The following CAST variants were observed in gnomAD, a reference collection of about 807,000 sequenced individuals.
CAST encodes the protein MIR583 host.
In CAST, 76 loss-of-function variants were observed where a neutral mutation model predicts 119.6. The ratio of observed to expected loss-of-function variants is 0.64; its 90% CI spans 0.53 to 0.77. The LOEUF (loss-of-function observed/expected upper bound fraction) is 0.77, where lower values mean the gene tolerates loss of function less well. Ranked by LOEUF, CAST falls within the 30% of genes least tolerant of loss-of-function variation. CAST has a pLI of 0.00. For synonymous variants in CAST, 319 were observed against 331.6 expected (o/e 0.96, Z 0.41); for missense variants, 953 against 946.5 (o/e 1.01, Z -0.09).
chr5:96,592,125 G>A (rs1746971975), intron 1 of CAST, among the ~76,000 whole-genome samples: 1 of 152,122 alleles, frequency 6.6e-6, no homozygotes, highest in Admixed American at 6.5e-5. Flanking sequence ...GGCCGGGTGC[G>A]GTGGCTCATG....
At chr5:96,581,898 A>AAATG (rs1172422750) in intron 1 of CAST, among the ~76,000 whole-genome samples, 13 of 130,466 alleles carry the variant, frequency 1.0e-4, no homozygotes. Flanking sequence ...CTCAAAAAAT[A>AAATG]AATAAATAAA....
At chr5:96,535,171 C>G (rs1281013396) in intron 1 of CAST, among the ~76,000 whole-genome samples, 1 of 152,058 alleles carries the variant, frequency 6.6e-6, no homozygotes, top group Non-Finnish European at 1.5e-5. Flanking sequence ...AAAAAGAAAA[C>G]GTGGGCAGAA....
intron 1 of CAST, among the ~76,000 whole-genome samples, chr5:96,645,415 G>A (rs1234540902): frequency 1.3e-5 from 2 of 151,992 alleles, no homozygotes; most frequent in Admixed American, 6.6e-5. Context: ...TATATTATTT[G>A]GAAGCAAGTC....
At chr5:96,378,558 C>T in the CAST span, among the ~76,000 whole-genome samples, 1 of 151,994 alleles carries the variant, frequency 6.6e-6, no homozygotes, top group Non-Finnish European at 1.5e-5. Flanking sequence ...AAGAAATAAA[C>T]CCCATCATTT....
intron 5 of CAST, among the ~76,000 whole-genome samples, chr5:96,727,147 G>T (rs1759406888): frequency 6.6e-6 from 1 of 152,182 alleles, no homozygotes. Context: ...GAAACACAGT[G>T]CCCTTGGCTT....
chr5:96,206,823 T>G, the CAST span, among the ~76,000 whole-genome samples: 87,610 of 151,986 alleles, frequency 0.58, 26,564 homozygotes, highest in Non-Finnish European at 0.67. Context: ...TTAAAATAGT[T>G]TTCTCTAATT....
chr5:96,662,320 G>GCTCC (rs548216153), upstream of CAST: 9,337 of 822,552 alleles, frequency 0.011, 297 homozygotes, highest in Admixed American at 0.038. Flanking sequence ...CGGGCCCTCC[G>GCTCC]CTCCCTCCCT....
At chr5:96,594,999 C>A (rs1747030102) in intron 1 of CAST, among the ~76,000 whole-genome samples, 1 of 152,196 alleles carries the variant, frequency 6.6e-6, no homozygotes, top group Non-Finnish European at 1.5e-5. Flanking sequence ...AATATGGAAT[C>A]TACAGAGTAA....
chr5:96,000,168 T>C, the CAST span, among the ~76,000 whole-genome samples: 2 of 152,196 alleles, frequency 1.3e-5, no homozygotes, highest in Non-Finnish European at 2.9e-5. Flanking sequence ...TCATCAGATA[T>C]GTGTTTTGCA....
chr5:96,479,352 G>A, the CAST span, among the ~76,000 whole-genome samples: 2 of 152,084 alleles, frequency 1.3e-5, no homozygotes, highest in African/African-American at 2.4e-5. Context: ...CATGCATAGT[G>A]AGGATGTTTG....
chr5:96,236,743 A>G, the CAST span, among the ~76,000 whole-genome samples: 1,049 of 152,302 alleles, frequency 6.9e-3, 17 homozygotes, highest in African/African-American at 0.024. Flanking sequence ...CTAAAATTCA[A>G]ATCGAACTGG....
At chr5:96,701,087 A>T (rs868705004) in intron 3 of CAST, among the ~76,000 whole-genome samples, 12 of 152,128 alleles carry the variant, frequency 7.9e-5, no homozygotes, top group Middle Eastern at 6.8e-3. Flanking sequence ...ACCACCGCAC[A>T]CAGCTAATGT....
At chr5:96,133,457 A>G in the CAST span, among the ~76,000 whole-genome samples, 1 of 152,124 alleles carries the variant, frequency 6.6e-6, no homozygotes, top group Non-Finnish European at 1.5e-5. Context: ...TCTACCCCTG[A>G]TTCACTGTGA....
the CAST span, among the ~76,000 whole-genome samples, chr5:96,241,822 G>A: frequency 4.6e-5 from 7 of 151,202 alleles, no homozygotes; most frequent in South Asian, 1.3e-3. Flanking sequence ...CAGTGATGGT[G>A]AGCATTTTTT....
the CAST span, among the ~76,000 whole-genome samples, chr5:96,222,697 TAC>T: frequency 2.6e-5 from 4 of 151,856 alleles, no homozygotes; most frequent in South Asian, 4.2e-4. Flanking sequence ...TGAAAAAAAA[TAC>T]AGAGATTTCT....
chr5:96,041,036 C>T, the CAST span, among the ~76,000 whole-genome samples: 1 of 152,106 alleles, frequency 6.6e-6, no homozygotes, highest in African/African-American at 2.4e-5. Context: ...TAATTATTGC[C>T]TCAATTTCAG....
chr5:96,305,220 T>C, the CAST span, among the ~76,000 whole-genome samples: 1 of 152,236 alleles, frequency 6.6e-6, no homozygotes, highest in Admixed American at 6.5e-5. Context: ...CAACTGTGAA[T>C]GGGAGTTCAC....
chr5:96,374,863 G>A, the CAST span, among the ~76,000 whole-genome samples: 20 of 152,092 alleles, frequency 1.3e-4, no homozygotes, highest in East Asian at 1.9e-4. Flanking sequence ...TGGAGTTTCC[G>A]GCTCTCAATC....
At chr5:96,584,418 C>CCATT (rs1264777745) in intron 1 of CAST, 1 of 152,172 alleles carries the variant, frequency 6.6e-6, no homozygotes, top group Non-Finnish European at 1.5e-5. Context: ...TGGTAACCGC[C>CCATT]CATTCATTCA....
Sources: gnomAD v4.1 joint callset for allele counts (sites outside exome capture counted in the v4.1 genomes callset) on GRCh38, gnomAD v4.1.1 for gene constraint, MANE v1.5 for transcripts, NCBI Gene and HGNC (gene_info 2026-07-23, HGNC 2026-07-21) for gene names.